Variants in FBXO42 observed in about 807,000 individuals in gnomAD.
The protein encoded by FBXO42 is F-box only protein 42.
A neutral mutation model predicts 71.7 loss-of-function variants in FBXO42; 12 were observed. That is an observed-to-expected ratio of 0.17 (90% CI 0.11 to 0.27). The LOEUF (loss-of-function observed/expected upper bound fraction) is 0.27. Among genes scored for constraint, FBXO42 ranks in the 10% least tolerant of loss-of-function variants. The probability of loss-of-function intolerance (pLI) is 1.00; values close to 1 mark genes in which losing one functional copy is unlikely to be tolerated. For synonymous variants in FBXO42, 325 were observed against 327.5 expected (o/e 0.99, Z 0.08); for missense variants, 707 against 911.9 (o/e 0.78, Z 2.89).
At chr1:16,289,194 A>G (rs1018283626) in intron 4 of FBXO42, among the ~76,000 whole-genome samples, 26 of 151,980 alleles carry the variant, frequency 1.7e-4, no homozygotes, top group Admixed American at 1.7e-3. Context: ...TAGGAGTTGA[A>G]GACCAGCCCA....
At chr1:16,267,013 T>G (rs1352977068) in intron 4 of FBXO42, among the ~76,000 whole-genome samples, 1 of 152,146 alleles carries the variant, frequency 6.6e-6, no homozygotes, top group Admixed American at 6.5e-5. Flanking sequence ...TGTTTCATGG[T>G]TCTGTGGTGT....
At chr1:16,329,236 T>C (rs2082475641) in intron 1 of FBXO42, among the ~76,000 whole-genome samples, 1 of 150,698 alleles carries the variant, frequency 6.6e-6, no homozygotes, top group Admixed American at 6.7e-5. Context: ...AAAGAGCTCC[T>C]GATGGTCAAA....
At chr1:16,315,071 T>C in intron 2 of FBXO42, 98 bp downstream of exon 2, 1 of 1,316,064 alleles carries the variant, frequency 7.6e-7, no homozygotes, top group Non-Finnish European at 1.0e-6. Flanking sequence ...TTTATAACCA[T>C]AATACATTTA....
At chr1:16,308,604 A>G (rs571902511) in intron 2 of FBXO42, among the ~76,000 whole-genome samples, 2 of 150,170 alleles carry the variant, frequency 1.3e-5, no homozygotes, top group South Asian at 4.2e-4. Context: ...AGCACAAGGG[A>G]TCCTTCCACC....
At chr1:16,305,519 G>C (rs115935583) in intron 3 of FBXO42, among the ~76,000 whole-genome samples, 2,476 of 152,274 alleles carry the variant, frequency 0.016, 70 homozygotes, top group African/African-American at 0.055. Flanking sequence ...TTCAAGACTA[G>C]ACTGGGCAAC....
intron 7 of FBXO42, 85 bp from the exon 8 acceptor site, chr1:16,253,237 T>C (rs2081609335): frequency 1.7e-6 from 2 of 1,170,380 alleles, no homozygotes; most frequent in South Asian, 2.8e-5. Context: ...GAGAATAGCC[T>C]ACCTAGCTCC....
chr1:16,292,135 T>C (rs1417857761), intron 4 of FBXO42, among the ~76,000 whole-genome samples: 1 of 152,266 alleles, frequency 6.6e-6, no homozygotes, highest in Non-Finnish European at 1.5e-5. Context: ...GGAGTTTGTA[T>C]GTTTTGTCAA....
intron 3 of FBXO42, among the ~76,000 whole-genome samples, chr1:16,295,230 A>G (rs548057499): frequency 6.6e-6 from 1 of 152,354 alleles, no homozygotes; most frequent in Non-Finnish European, 1.5e-5. Context: ...ATTTCAGCAC[A>G]GCTACATAAT....
Position 16,247,085 on chromosome 1 carries a change from G to A in FBXO42, c.*3585C>T, listed in dbSNP as rs2081541515. The A allele has an allele frequency of 6.6e-6, 1 of 152,248 alleles. No individual in the cohort carries two copies. Among genetic ancestry groups the A allele is most frequent in the Non-Finnish European group, 1.5e-5 (1 of 68,074 alleles). The allele number at this position is 152,248 out of a possible 1,614,324, so 9.4% of individuals were successfully genotyped here. On this transcript the variant is annotated 3_prime_UTR_variant, in exon 10 of 10. Coordinates refer to ENST00000375592, the MANE Select transcript of FBXO42 (RefSeq NM_018994.3). The stretch of plus-strand genomic sequence containing the variant: ...TGTGCACTGACATGAACCCTGGTTG[G>A]AGGGAGGGGAGCAGAGCAAGTAGAG...
intron 4 of FBXO42, among the ~76,000 whole-genome samples, chr1:16,287,137 CT>C (rs1223880676): frequency 6.6e-6 from 1 of 152,218 alleles, no homozygotes; most frequent in Admixed American, 6.6e-5. Context: ...CCAACCTCCT[CT>C]CCTTTGTTCA....
intron 4 of FBXO42, among the ~76,000 whole-genome samples, chr1:16,276,758 T>C (rs1389255526): frequency 6.6e-6 from 1 of 152,210 alleles, no homozygotes; most frequent in African/African-American, 2.4e-5. Context: ...AGAGAAACAA[T>C]GCTAGATGAT....
intron 4 of FBXO42, among the ~76,000 whole-genome samples, chr1:16,271,007 G>A (rs2081837809): frequency 6.6e-6 from 1 of 152,044 alleles, no homozygotes; most frequent in East Asian, 1.9e-4. Context: ...CTGTAGTTAG[G>A]GAATGCCTCA....
At chr1:16,319,056 T>C (rs1183509604) in intron 1 of FBXO42, among the ~76,000 whole-genome samples, 3 of 152,330 alleles carry the variant, frequency 2.0e-5, no homozygotes, top group Middle Eastern at 3.4e-3. Context: ...CCATTTACTA[T>C]GCCACCCCAC....
chr1:16,348,350 A>C (rs2082670725), intron 1 of FBXO42, among the ~76,000 whole-genome samples: 3 of 151,710 alleles, frequency 2.0e-5, no homozygotes, highest in South Asian at 4.1e-4. Context: ...ACTGGGATAC[A>C]GAAGTTCAAT....
Position 16,347,906 on chromosome 1 carries a change from G to A in FBXO42, c.-18+4349C>T, listed in dbSNP as rs182925323. 1.9e-4 allele frequency among the ~76,000 whole-genome samples: 29 copies of A among 151,026 alleles called. 1 individual carries two copies. Among genetic ancestry groups the A allele is most frequent in the Admixed American group, 4.6e-4 (7 of 15,144 alleles). ...CGGGAGGCTGAGGCAGGAGAATGGCGTGAACCTGGGAGGTGGAGCTTGCAG... is the reference window on the plus strand; with the variant it reads ...CGGGAGGCTGAGGCAGGAGAATGGCATGAACCTGGGAGGTGGAGCTTGCAG... On this transcript the variant is annotated intron_variant, in intron 1 of 9. Transcript: ENST00000375592.
intron 1 of FBXO42, among the ~76,000 whole-genome samples, chr1:16,339,309 A>C (rs997010400): frequency 1.3e-4 from 19 of 151,794 alleles, no homozygotes; most frequent in Admixed American, 9.9e-4. Context: ...ATATTGTTAT[A>C]GTTTTTTTGT....
chr1:16,251,054 G>A lies in FBXO42; in HGVS notation c.1770C>T (p.Ser590=). 1 of 1,614,202 alleles carries A rather than the reference G, an allele frequency of 6.2e-7. No individual in the cohort carries two copies. The highest frequency in any genetic ancestry group is 8.5e-7 in the Non-Finnish European group (1 of 1,180,038). ...PLGSSPGSPG[S]QSLSSGETVP... ...CTGTTTCTCCACTGCTCAAACTCTGGCTCCCAGGAGAGCCTGGAGAAGACC... is the reference window on the plus strand; with the variant it reads ...CTGTTTCTCCACTGCTCAAACTCTGACTCCCAGGAGAGCCTGGAGAAGACC... The change falls in exon 10 of 10, where the codon AGC becomes AGT. Residue 590 remains serine (S), a synonymous_variant. Coordinates refer to ENST00000375592, the MANE Select transcript of FBXO42 (RefSeq NM_018994.3). This position sits in a 1 kb window ranked among gnomAD's most constrained non-coding sequence, Gnocchi z 4.5.
At chr1:16,293,485 G>A (rs1367884535) in intron 4 of FBXO42, 1 of 152,238 alleles carries the variant, frequency 6.6e-6, no homozygotes, top group East Asian at 1.9e-4. Context: ...GTTGTGACAG[G>A]AAGTGGAAGA....
chr1:16,252,510 T>C lies in FBXO42; in HGVS notation c.922-106A>G, dbSNP rs2081603924. The C allele has an allele frequency of 1.2e-6, 1 of 867,258 alleles. No homozygotes were observed. Among genetic ancestry groups the C allele is most frequent in the Non-Finnish European group, 1.9e-6 (1 of 530,760 alleles). 53.7% of individuals were successfully genotyped at this position (867,258 alleles called of 1,614,324 possible). A position where few individuals can be genotyped will look rare whatever the true frequency, so the allele number is the denominator to read the frequency against. On this transcript the variant is annotated intron_variant, in intron 8 of 9. Transcript: ENST00000375592. This position sits in a 1 kb window ranked among gnomAD's most constrained non-coding sequence, Gnocchi z 4.4. The stretch of plus-strand genomic sequence containing the variant: ...GCTCTCCTGTCTGGTCTTGAAAGGA[T>C]GTGGACTCTTCAGAAGGATAGCAAA...
Sources: allele counts gnomAD v4.1 joint callset (sites outside exome capture counted in the v4.1 genomes callset), GRCh38; gene constraint gnomAD v4.1.1; non-coding constraint Gnocchi (gnomAD v3.1); transcripts MANE v1.5; gene names NCBI Gene and HGNC (gene_info 2026-07-23, HGNC 2026-07-21).